Variants in IRAG2 observed in about 807,000 individuals in gnomAD.
IRAG2 encodes inositol 1,4,5-triphosphate receptor associated 2.
A neutral mutation model predicts 69.9 loss-of-function variants in IRAG2; 45 were observed. The observed-to-expected ratio is 0.64, with a 90% CI of 0.51 to 0.83. IRAG2 has a LOEUF of 0.83. Ranked by LOEUF, IRAG2 falls within the 40% of genes least tolerant of loss-of-function variation. The probability of loss-of-function intolerance (pLI) is 0.00; values close to 1 mark genes in which losing one functional copy is unlikely to be tolerated. For missense variants in IRAG2, 520 were observed against 587.0 expected, an observed-to-expected ratio of 0.89 and a Z score of 1.18; for synonymous variants, 193 against 202.4, an observed-to-expected ratio of 0.95 and a Z score of 0.40.
At chr12:25,040,141 T>C (rs893544244) in intron 16 of IRAG2, among the ~76,000 whole-genome samples, 1 of 152,222 alleles carries the variant, frequency 6.6e-6, no homozygotes, top group Non-Finnish European at 1.5e-5. Flanking sequence ...CCTCTGGCTT[T>C]TGGACACAAT....
At chr12:25,106,040 T>C (rs1412699094) in intron 20 of IRAG2, among the ~76,000 whole-genome samples, 1 of 152,100 alleles carries the variant, frequency 6.6e-6, no homozygotes, top group African/African-American at 2.4e-5. Flanking sequence ...CAATTGCTAT[T>C]TCCCAGTTCA....
chr12:25,101,722 G>A (rs1247158281), intron 16 of IRAG2, among the ~76,000 whole-genome samples: 1 of 152,200 alleles, frequency 6.6e-6, no homozygotes, highest in Non-Finnish European at 1.5e-5. Context: ...AATGACCCTG[G>A]CACAGTAAGC....
At chr12:25,051,884 C>T (rs779573246), upstream of IRAG2, among the ~76,000 whole-genome samples, 9 of 152,154 alleles carry the variant, frequency 5.9e-5, no homozygotes, top group African/African-American at 2.2e-4. Flanking sequence ...AAATGTTGCA[C>T]CTGTCACCCT....
intron 16 of IRAG2, among the ~76,000 whole-genome samples, chr12:25,042,516 A>G (rs895036079): frequency 6.6e-6 from 1 of 151,948 alleles, no homozygotes; most frequent in Non-Finnish European, 1.5e-5. Flanking sequence ...GCCAGGGTGG[A>G]GTGCAGTGGT....
At position 25,052,827 on chromosome 12, in the gene IRAG2, AGTGAAAAAGCTAC is replaced by A. The variant is rs1420716157; in HGVS notation, c.-573_-561del. The A allele has an allele frequency of 1.0e-5, 4 of 398,560 alleles. No individual in the cohort carries two copies. The highest frequency in any genetic ancestry group is 1.8e-5 in the Non-Finnish European group (4 of 226,094). 24.7% of individuals were successfully genotyped at this position (398,560 alleles called of 1,614,324 possible). A position where few individuals can be genotyped will look rare whatever the true frequency, so the allele number is the denominator to read the frequency against. The stretch of plus-strand genomic sequence containing the variant: ...TCGAGATCGAGAAGCCCACACTGCC[AGTGAAAAAGCTAC>A]GTCTTTACTGCATAAATTAGAGGAA... On this transcript the variant is annotated 5_prime_UTR_variant, in exon 1 of 22. It introduces an in-frame stop codon into an upstream open reading frame of the 5' UTR. Coordinates refer to ENST00000556887, the MANE Select transcript of IRAG2 (RefSeq NM_001366544.2).
intron 15 of IRAG2, chr12:25,100,871 C>A: frequency 5.3e-6 from 1 of 187,282 alleles, no homozygotes; most frequent in Non-Finnish European, 1.1e-5. Flanking sequence ...CTTCTGTTCA[C>A]ATACCCACCA....
At chr12:25,099,184 G>A (rs1683161) in intron 15 of IRAG2, among the ~76,000 whole-genome samples, 2 of 152,152 alleles carry the variant, frequency 1.3e-5, no homozygotes, top group African/African-American at 4.8e-5. Flanking sequence ...GAGCTCCAGA[G>A]CAGAGTATGC....
intron 17 of IRAG2, 109 bp from the exon 18 acceptor site, chr12:25,103,728 A>G: frequency 1.3e-6 from 1 of 757,630 alleles, no homozygotes; most frequent in Non-Finnish European, 2.2e-6. Context: ...TGTTTAACTC[A>G]GCTGTGGTCA....
chr12:25,069,555 C>A, intron 6 of IRAG2, 124 bp downstream of exon 6: 1 of 809,928 alleles, frequency 1.2e-6, no homozygotes. Context: ...TGTAGCAAGT[C>A]TGAGTCTGCT....
chr12:25,035,704 G>T (rs1233836250), exon 14 of IRAG2: 1 of 399,026 alleles, frequency 2.5e-6, no homozygotes, highest in Non-Finnish European at 4.4e-6. Flanking sequence ...ATCTCTGGAC[G>T]CCATGATGGA....
At chr12:24,999,818 TAA>T (rs11403723), upstream of IRAG2, among the ~76,000 whole-genome samples, 3 of 142,010 alleles carry the variant, frequency 2.1e-5, no homozygotes, top group Admixed American at 6.9e-5. Context: ...CAGATTTAGC[TAA>T]AAAAAAAAAA....
At chr12:25,091,615 A>G (rs1948071369) in intron 14 of IRAG2, among the ~76,000 whole-genome samples, 1 of 152,036 alleles carries the variant, frequency 6.6e-6, no homozygotes, top group Non-Finnish European at 1.5e-5. Flanking sequence ...TTTTGATTAT[A>G]TCTAGACTCA....
chr12:25,107,681 A>G (rs1359820986), intron 21 of IRAG2, 136 bp from the exon 22 acceptor site: 4 of 759,006 alleles, frequency 5.3e-6, no homozygotes, highest in Non-Finnish European at 8.5e-6. Context: ...AACCAAAATG[A>G]TAAATCATAA....
chr12:25,012,069 A>T (rs975775997), intron 3 of IRAG2, among the ~76,000 whole-genome samples: 1 of 150,548 alleles, frequency 6.6e-6, no homozygotes, highest in African/African-American at 2.4e-5. Context: ...AAAGGAGGAG[A>T]AGGGCACCCC....
rs531317626 is a variant in IRAG2 at position 25,020,051 on chromosome 12, G to T, written c.1215-739G>T. Among the ~76,000 whole-genome samples the T allele has an allele frequency of 3.9e-5, 6 of 152,202 alleles. No homozygotes were observed. In the East Asian group the frequency reaches 1.2e-3, roughly 29 times the overall value. ...TCTTCAATGCCTAGCACAGTGCCTG[G>T]GACAGGTTCAGCACTCAATTAGTAT... On this transcript the variant is annotated intron_variant, in intron 6 of 38. Coordinates refer to the IRAG2 transcript ENST00000636465.
At chr12:25,019,578 CCTT>C (rs1944561323) in intron 6 of IRAG2, among the ~76,000 whole-genome samples, 1 of 152,192 alleles carries the variant, frequency 6.6e-6, no homozygotes, top group South Asian at 2.1e-4. Flanking sequence ...TCTCTTCTCT[CCTT>C]CTCTTCCACA....
Position 25,053,392 on chromosome 12 carries a change from G to T in IRAG2, c.-447+436G>T, listed in dbSNP as rs185166011. ...CTATTTTCTTTGGAAATTTTAGGGGGTTGGGCAAAATAATTATGAATTCAG... is the reference window on the plus strand; with the variant it reads ...CTATTTTCTTTGGAAATTTTAGGGGTTTGGGCAAAATAATTATGAATTCAG... On this transcript the variant is annotated intron_variant, in intron 1 of 21. Coordinates refer to ENST00000556887, the MANE Select transcript of IRAG2 (RefSeq NM_001366544.2). Among the ~76,000 whole-genome samples the T allele has an allele frequency of 8.6e-5, 13 of 151,794 alleles. No individual in the cohort carries two copies. In the East Asian group the frequency reaches 2.3e-3, roughly 27 times the overall value.
intron 6 of IRAG2, among the ~76,000 whole-genome samples, chr12:25,078,294 A>C (rs189802281): frequency 2.0e-4 from 30 of 152,366 alleles, no homozygotes; most frequent in African/African-American, 7.0e-4. Context: ...AACCCTTAGT[A>C]AACCTGTACT....
chr12:25,048,579 G>A (rs1246981876), upstream of IRAG2, among the ~76,000 whole-genome samples: 1 of 152,160 alleles, frequency 6.6e-6, no homozygotes, highest in Non-Finnish European at 1.5e-5. Flanking sequence ...TTACAGGTGT[G>A]AGCCACTGAG....
Sources: allele counts gnomAD v4.1 joint callset (sites outside exome capture counted in the v4.1 genomes callset), GRCh38; gene constraint gnomAD v4.1.1; transcripts MANE v1.5; gene names NCBI Gene and HGNC (gene_info 2026-07-23, HGNC 2026-07-21).